The following SPEN variants were observed in gnomAD, a reference collection of about 807,000 sequenced individuals.
SPEN encodes the protein spen family transcriptional repressor, also known as msx2-interacting protein.
In SPEN, 18 loss-of-function variants were observed where a neutral mutation model predicts 269.9. The observed-to-expected ratio is 0.07, with a 90% confidence interval of 0.05 to 0.10. The LOEUF is 0.10. Ranked by LOEUF, SPEN falls within the 10% of genes least tolerant of loss-of-function variation. The pLI is 1.00. For missense variants in SPEN, 3,822 were observed against 4,631.2 expected, an observed-to-expected ratio of 0.83 and a Z score of 5.07; for synonymous variants, 1,726 against 1,765.7, an observed-to-expected ratio of 0.98 and a Z score of 0.56.
chr1:15,905,721 C>T (rs531034446), intron 3 of SPEN, among the ~76,000 whole-genome samples: 3 of 151,764 alleles, frequency 2.0e-5, no homozygotes, highest in African/African-American at 2.4e-5. Flanking sequence ...TACAGACGCA[C>T]GCCACCATGC....
chr1:15,939,559 G>A lies in SPEN; in HGVS notation c.*132G>A. On this transcript the variant is annotated 3_prime_UTR_variant, in exon 15 of 15. Coordinates refer to ENST00000375759, the MANE Select transcript of SPEN (RefSeq NM_015001.3). The surrounding 1 kb of genome is among the most constrained non-coding windows in gnomAD (Gnocchi z 4.1). ...ACTGCCAGACGGCCAGCCGTTTGCT[G>A]TCCTGCCGCCCGGCTCAGTCGGCCA... is the stretch of plus-strand genomic sequence containing the variant. The A allele has an allele frequency of 8.6e-7, 1 of 1,166,802 alleles. No homozygotes were observed. Among genetic ancestry groups the A allele is most frequent in the Non-Finnish European group, 1.2e-6 (1 of 859,834 alleles). The allele number at this position is 1,166,802 out of a possible 1,614,324, so 72.3% of individuals were successfully genotyped here. A position where few individuals can be genotyped will look rare whatever the true frequency, so the allele number is the denominator to read the frequency against.
chr1:15,890,962 A>G (rs200771782), intron 3 of SPEN, among the ~76,000 whole-genome samples: 146 of 152,312 alleles, frequency 9.6e-4, no homozygotes, highest in Non-Finnish European at 1.7e-3. Context: ...GAATAGCCAC[A>G]TTTCAAGTGC....
intron 3 of SPEN, among the ~76,000 whole-genome samples, chr1:15,895,840 C>T (rs2070836694): frequency 6.6e-6 from 1 of 151,744 alleles, no homozygotes; most frequent in Admixed American, 6.6e-5. Context: ...CCACTGTGCC[C>T]AGCTAATTTT....
At chr1:15,861,159 A>C (rs1278466235) in intron 1 of SPEN, among the ~76,000 whole-genome samples, 3 of 148,620 alleles carry the variant, frequency 2.0e-5, no homozygotes, top group Non-Finnish European at 4.5e-5. Flanking sequence ...TTGAGACGGA[A>C]TCTCACTCTG....
chr1:15,893,271 G>C (rs1258716334), intron 3 of SPEN, among the ~76,000 whole-genome samples: 1 of 152,126 alleles, frequency 6.6e-6, no homozygotes, highest in Non-Finnish European at 1.5e-5. Context: ...TTGCTTCTAG[G>C]CATCATTTGT....
chr1:15,916,865 A>T (rs535595016), intron 6 of SPEN, among the ~76,000 whole-genome samples: 1 of 152,316 alleles, frequency 6.6e-6, no homozygotes, highest in East Asian at 1.9e-4. Context: ...GGTGGCTCAC[A>T]CCTATAATCT....
At chr1:15,892,092 C>T (rs1208743884) in intron 3 of SPEN, among the ~76,000 whole-genome samples, 1 of 131,384 alleles carries the variant, frequency 7.6e-6, no homozygotes, top group African/African-American at 3.0e-5. Context: ...GTAATCTTGG[C>T]TCACTGTAAG....
intron 8 of SPEN, among the ~76,000 whole-genome samples, 167 bp from the exon 9 acceptor site, chr1:15,920,703 T>G: frequency 6.6e-6 from 1 of 152,190 alleles, no homozygotes. Flanking sequence ...CATTTTCATT[T>G]TATTGTGTTC....
chr1:15,913,733 A>G (rs904669726), intron 5 of SPEN, among the ~76,000 whole-genome samples: 2 of 152,018 alleles, frequency 1.3e-5, no homozygotes, highest in African/African-American at 2.4e-5. Flanking sequence ...TACAAAAAAT[A>G]AAAAATCAGC....
chr1:15,910,227 C>T (rs2071000058), intron 4 of SPEN, among the ~76,000 whole-genome samples: 1 of 150,466 alleles, frequency 6.6e-6, no homozygotes, highest in African/African-American at 2.4e-5. Flanking sequence ...TGTTGATGAG[C>T]TTTTGATTTA....
At chr1:15,849,915 A>C (rs2070316719) in intron 1 of SPEN, among the ~76,000 whole-genome samples, 1 of 152,188 alleles carries the variant, frequency 6.6e-6, no homozygotes, top group African/African-American at 2.4e-5. Flanking sequence ...AAGCACGTGC[A>C]TTGCAGCATT....
chr1:15,937,407 C>G lies in SPEN; in HGVS notation c.10271C>G (p.Ala3424Gly). The G allele has an allele frequency of 6.2e-7, 1 of 1,613,806 alleles. No individual in the cohort carries two copies. The highest frequency in any genetic ancestry group is 8.5e-7 in the Non-Finnish European group (1 of 1,180,030). The change falls in exon 12 of 15, where the codon GCA (alanine) becomes GGA (glycine). Residue 3424 changes from alanine (A) to glycine (G), a missense_variant. Around this residue, in one of 16 missense-constraint regions of SPEN, gnomAD observed 359 missense variants for 377.3 expected, o/e 0.95. Transcript: ENST00000375759. The surrounding 1 kb of genome is among the most constrained non-coding windows in gnomAD (Gnocchi z 5.7). ...EPHTQVQRAQ[A>G]ETGPTSFPSP... Reference sequence around the variant, plus strand: ...CACACCCAGGTTCAGAGGGCACAAGCAGAAACAGGCCCGACTTCCTTCCCC... The same window carrying G: ...CACACCCAGGTTCAGAGGGCACAAGGAGAAACAGGCCCGACTTCCTTCCCC...
chr1:15,903,661 G>C (rs1418042076), intron 3 of SPEN, among the ~76,000 whole-genome samples: 1 of 151,888 alleles, frequency 6.6e-6, no homozygotes, highest in Non-Finnish European at 1.5e-5. Flanking sequence ...GCCTCAAATT[G>C]TTGTTGTTTA....
chr1:15,874,339 C>A (rs1288049665), intron 2 of SPEN: 1 of 1,366,294 alleles, frequency 7.3e-7, no homozygotes, highest in African/African-American at 1.5e-5. Flanking sequence ...GTTATGTTCA[C>A]AATTCTCTCC....
chr1:15,928,023 A>C lies in SPEN; in HGVS notation c.1851-68A>C, dbSNP rs949543812. 8 of 1,366,708 alleles carry C rather than the reference A, an allele frequency of 5.9e-6. No individual in the cohort carries two copies. The South Asian group carries it at 1.2e-4, about 20-fold the overall frequency. The allele number at this position is 1,366,708 out of a possible 1,614,324, so 84.7% of individuals were successfully genotyped here. ...TTTAGAAGCAGGAATTTCTGATTTC[A>C]TATGTATGATTTTATGCATAAGTGA... On this transcript the variant is annotated intron_variant, in intron 10 of 14. Coordinates refer to ENST00000375759, the MANE Select transcript of SPEN (RefSeq NM_015001.3). This position sits in a 1 kb window ranked among gnomAD's most constrained non-coding sequence, Gnocchi z 5.7.
chr1:15,920,333 T>C (rs2071106470), intron 8 of SPEN, among the ~76,000 whole-genome samples: 1 of 152,214 alleles, frequency 6.6e-6, no homozygotes, highest in Admixed American at 6.5e-5. Context: ...CCTCCTAAAG[T>C]GCTGAGATTA....
chr1:15,860,531 A>G (rs920590332), intron 1 of SPEN, among the ~76,000 whole-genome samples: 2 of 149,502 alleles, frequency 1.3e-5, no homozygotes, highest in African/African-American at 4.9e-5. Flanking sequence ...GTCTCAGGAT[A>G]TCCTCCCGCC....
intron 5 of SPEN, among the ~76,000 whole-genome samples, chr1:15,912,690 C>T (rs908841280): frequency 2.6e-5 from 4 of 152,112 alleles, no homozygotes; most frequent in African/African-American, 9.7e-5. Context: ...CTTCACAGTC[C>T]TTCTTCCATC....
Position 15,932,264 on chromosome 1 carries a change from T to C in SPEN, c.6024T>C (p.Ala2008=), listed in dbSNP as rs2071229340. The C allele has an allele frequency of 6.2e-7, 1 of 1,610,622 alleles. No individual in the cohort carries two copies. Among genetic ancestry groups the C allele is most frequent in the Non-Finnish European group, 8.5e-7 (1 of 1,178,784 alleles). ...GAAAAAATGAACCGAAGGTGGATGC[T>C]ACACGTCCTGAGGCCACCACTGAGG... ...KKGKNEPKVD[A]TRPEATTEVG... is the part of the protein sequence containing the mutation. Residue 2008 remains alanine (A), a synonymous_variant, in exon 11 of 15, where the codon GCT becomes GCC. Transcript: ENST00000375759. The surrounding 1 kb of genome is among the most constrained non-coding windows in gnomAD (Gnocchi z 4.2).
Sources: allele counts gnomAD v4.1 joint callset (sites outside exome capture counted in the v4.1 genomes callset), GRCh38; gene constraint gnomAD v4.1.1; regional missense constraint gnomAD v4.1.1; non-coding constraint Gnocchi (gnomAD v3.1); transcripts MANE v1.5; gene names NCBI Gene and HGNC (gene_info 2026-07-23, HGNC 2026-07-21).